The following EXOC6B variants were observed in gnomAD, a reference collection of about 807,000 sequenced individuals.
The protein encoded by EXOC6B is exocyst complex component 6B, also known as SEC15 homolog B.
Under a neutral mutation model 113.5 loss-of-function variants are expected in EXOC6B, and 54 were observed. The ratio of observed to expected loss-of-function variants is 0.48; its 90% CI spans 0.38 to 0.60. EXOC6B has a LOEUF of 0.60. EXOC6B is among the 20% of genes least tolerant of loss of function. The pLI is 0.00. For synonymous variants in EXOC6B, 357 were observed against 339.0 expected (o/e 1.05, Z -0.58); for missense variants, 797 against 977.5 (o/e 0.82, Z 2.46).
intron 6 of EXOC6B, among the ~76,000 whole-genome samples, chr2:72,658,239 A>T (rs1254607108): frequency 1.3e-5 from 2 of 149,528 alleles, no homozygotes; most frequent in Non-Finnish European, 3.0e-5. Flanking sequence ...GAAATCAAAG[A>T]TAATTACATA....
At chr2:72,679,829 T>C (rs1441726700) in intron 6 of EXOC6B, among the ~76,000 whole-genome samples, 1 of 152,192 alleles carries the variant, frequency 6.6e-6, no homozygotes, top group Non-Finnish European at 1.5e-5. Flanking sequence ...GTATTAGCAA[T>C]GGTGACCAGT....
At chr2:72,695,475 A>C (rs1160907568) in intron 6 of EXOC6B, among the ~76,000 whole-genome samples, 1 of 152,228 alleles carries the variant, frequency 6.6e-6, no homozygotes, top group Non-Finnish European at 1.5e-5. Context: ...AGTATTCTTT[A>C]AGGTTTTTTT....
chr2:72,320,387 T>C lies in EXOC6B; in HGVS notation c.2196+14560A>G, dbSNP rs1041632932. 3.9e-5 allele frequency among the ~76,000 whole-genome samples: 6 copies of C among 152,024 alleles called. No individual in the cohort carries two copies. In the East Asian group the frequency reaches 5.8e-4, roughly 15 times the overall value. On this transcript the variant is annotated intron_variant, in intron 20 of 21. Coordinates refer to ENST00000272427, the MANE Select transcript of EXOC6B (RefSeq NM_015189.3). Reference sequence around the variant, plus strand: ...GCAAAAGGACAGACACACAGGTCAATTGAACATAATATAGAGAATGCAGAA... The same window carrying C: ...GCAAAAGGACAGACACACAGGTCAACTGAACATAATATAGAGAATGCAGAA...
intron 19 of EXOC6B, among the ~76,000 whole-genome samples, chr2:72,363,434 A>T (rs1249413245): frequency 6.6e-6 from 1 of 152,160 alleles, no homozygotes; most frequent in Non-Finnish European, 1.5e-5. Flanking sequence ...CAGGACAGCC[A>T]TAGAAGTTTC....
intron 5 of EXOC6B, among the ~76,000 whole-genome samples, chr2:72,723,508 G>A (rs989431965): frequency 1.3e-5 from 2 of 151,940 alleles, no homozygotes; most frequent in African/African-American, 4.8e-5. Context: ...TAAAATTCTA[G>A]GAAGTGATCC....
At chr2:72,539,053 G>A (rs1324184852) in intron 8 of EXOC6B, among the ~76,000 whole-genome samples, 2 of 152,124 alleles carry the variant, frequency 1.3e-5, no homozygotes, top group African/African-American at 4.8e-5. Flanking sequence ...AATGGGATAA[G>A]TTCAAAGTAT....
chr2:72,613,461 A>G (rs1671198475), intron 6 of EXOC6B, among the ~76,000 whole-genome samples: 1 of 152,096 alleles, frequency 6.6e-6, no homozygotes, highest in Non-Finnish European at 1.5e-5. Context: ...AAAATGCAAT[A>G]AAAAGCCCAA....
chr2:72,184,015 G>T, intron 21 of EXOC6B, 60 bp downstream of exon 21: 2 of 967,190 alleles, frequency 2.1e-6, no homozygotes, highest in Non-Finnish European at 3.2e-6. Context: ...TATCTTCTAC[G>T]CCAACCCCCA....
chr2:72,494,891 G>A (rs1699951077), intron 15 of EXOC6B, among the ~76,000 whole-genome samples: 1 of 152,150 alleles, frequency 6.6e-6, no homozygotes, highest in Non-Finnish European at 1.5e-5. Flanking sequence ...AAACAAAGGA[G>A]CCTACACTCT....
At chr2:72,398,949 C>T (rs1180388932) in intron 18 of EXOC6B, among the ~76,000 whole-genome samples, 1 of 150,690 alleles carries the variant, frequency 6.6e-6, no homozygotes, top group African/African-American at 2.4e-5. Flanking sequence ...ATAGTAAATC[C>T]TCCCTAATTC....
At chr2:72,695,701 C>T (rs924835033) in intron 6 of EXOC6B, among the ~76,000 whole-genome samples, 14 of 152,050 alleles carry the variant, frequency 9.2e-5, no homozygotes, top group African/African-American at 3.1e-4. Context: ...CCTAAAATGC[C>T]TATTCTAAAA....
chr2:72,723,025 C>A (rs767886722), intron 5 of EXOC6B, among the ~76,000 whole-genome samples: 3 of 152,066 alleles, frequency 2.0e-5, no homozygotes, highest in African/African-American at 7.2e-5. Context: ...TTAACTATAA[C>A]AAATCAGTAA....
intron 6 of EXOC6B, among the ~76,000 whole-genome samples, chr2:72,605,873 T>C (rs1670723641): frequency 6.6e-6 from 1 of 152,166 alleles, no homozygotes; most frequent in African/African-American, 2.4e-5. Context: ...TAACCACCTT[T>C]ACCTCAATCT....
At chr2:72,325,223 C>T (rs1205944681) in intron 20 of EXOC6B, among the ~76,000 whole-genome samples, 2 of 152,102 alleles carry the variant, frequency 1.3e-5, no homozygotes, top group South Asian at 2.1e-4. Flanking sequence ...ACATTCTCAA[C>T]AAGTTATTTT....
intron 1 of EXOC6B, among the ~76,000 whole-genome samples, chr2:72,786,331 T>C (rs796341108): frequency 5.3e-5 from 8 of 152,310 alleles, no homozygotes; most frequent in African/African-American, 1.7e-4. Context: ...AACTATACCA[T>C]AATTCAAACA....
At chr2:72,328,894 C>T (rs1382485234) in intron 20 of EXOC6B, among the ~76,000 whole-genome samples, 1 of 152,056 alleles carries the variant, frequency 6.6e-6, no homozygotes, top group Non-Finnish European at 1.5e-5. Flanking sequence ...TTATCCACAA[C>T]AGTCATAGTA....
intron 2 of EXOC6B, among the ~76,000 whole-genome samples, chr2:72,738,794 G>A (rs1443847530): frequency 6.6e-6 from 1 of 152,098 alleles, no homozygotes; most frequent in Non-Finnish European, 1.5e-5. Context: ...TGGCCAATAT[G>A]GCGAAACCCC....
chr2:72,465,572 A>G (rs1020115807), intron 17 of EXOC6B, among the ~76,000 whole-genome samples: 4 of 152,256 alleles, frequency 2.6e-5, no homozygotes, highest in African/African-American at 7.2e-5. Context: ...CAGAATGCCC[A>G]GATCATATAA....
chr2:72,518,834 G>A (rs926000969), intron 8 of EXOC6B, among the ~76,000 whole-genome samples: 3 of 152,098 alleles, frequency 2.0e-5, no homozygotes, highest in Non-Finnish European at 2.9e-5. Flanking sequence ...GTACTGCAGA[G>A]AGTAAAGAAA....
Sources: allele counts gnomAD v4.1 joint callset (sites outside exome capture counted in the v4.1 genomes callset), GRCh38; gene constraint gnomAD v4.1.1; transcripts MANE v1.5; gene names NCBI Gene and HGNC (gene_info 2026-07-23, HGNC 2026-07-21).